POLR1C: variants seen among roughly 807,000 people sequenced by gnomAD.
The protein encoded by POLR1C is DNA-directed RNA polymerases I and III subunit RPAC1.
In POLR1C, 42 loss-of-function variants were observed where a neutral mutation model predicts 38.3. The observed-to-expected ratio is 1.10, with a 90% CI of 0.86 to 1.42. The LOEUF (loss-of-function observed/expected upper bound fraction) is 1.42. POLR1C is among the 40% of genes most tolerant of loss of function. The pLI, the probability that POLR1C is intolerant of heterozygous loss-of-function variation, is 0.00. For missense variants in POLR1C, 507 were observed against 450.5 expected (o/e 1.13, Z -1.14); for synonymous variants, 163 against 163.9 (o/e 0.99, Z 0.04).
chr6:43,530,868 A>T (rs1320548954), downstream of POLR1C: 1 of 1,588,228 alleles, frequency 6.3e-7, no homozygotes, highest in East Asian at 2.3e-5. Context: ...CAAATCCAAC[A>T]TCTGTTACTG....
chr6:43,538,076 T>C (rs537849379), intron 9 of POLR1C, among the ~76,000 whole-genome samples: 2 of 84,976 alleles, frequency 2.4e-5, no homozygotes, highest in African/African-American at 1.2e-4. Flanking sequence ...CAGAACAAGA[T>C]GGTCTCAAAA....
Position 43,521,451 on chromosome 6 carries a change from A to C in POLR1C, c.*151A>C. The C allele has an allele frequency of 6.6e-7, 1 of 1,509,252 alleles. No individual in the cohort carries two copies. The highest frequency in any genetic ancestry group is 1.2e-5 in the South Asian group (1 of 81,398). The allele number at this position is 1,509,252 out of a possible 1,614,324, so 93.5% of individuals were successfully genotyped here. Reference sequence around the variant, plus strand: ...AATACATTTTGTTAAATGTGCCATAAAATGAGACTTTTTACGCCTTTATAA... The same window carrying C: ...AATACATTTTGTTAAATGTGCCATACAATGAGACTTTTTACGCCTTTATAA... On this transcript the variant is annotated 3_prime_UTR_variant, in exon 9 of 9. Coordinates refer to ENST00000642195, the MANE Select transcript of POLR1C (RefSeq NM_203290.4).
chr6:43,548,579 G>A, intron 9 of POLR1C: 1 of 894,652 alleles, frequency 1.1e-6, no homozygotes, highest in South Asian at 2.9e-5. Flanking sequence ...AGGCCTATAA[G>A]GTTATTATTT....
intron 9 of POLR1C, chr6:43,547,615 C>T (rs1561875398): frequency 1.9e-6 from 3 of 1,613,960 alleles, no homozygotes; most frequent in Non-Finnish European, 2.5e-6. Flanking sequence ...TACTCGTGCA[C>T]GGTTTAAGCC....
intron 2 of POLR1C, 58 bp from the exon 3 acceptor site, chr6:43,519,275 T>G: frequency 1.9e-6 from 2 of 1,032,236 alleles, no homozygotes; most frequent in Non-Finnish European, 3.0e-6. Flanking sequence ...GGGGGAGGTA[T>G]GAAGAGATAT....
intron 8 of POLR1C, chr6:43,529,233 CTCCTTA>C: frequency 1.4e-6 from 2 of 1,396,558 alleles, no homozygotes; most frequent in Non-Finnish European, 1.9e-6. Flanking sequence ...CTTCACCATT[CTCCTTA>C]TAATTTCAGG....
At chr6:43,549,777 T>C in intron 9 of POLR1C, 1 of 1,246,802 alleles carries the variant, frequency 8.0e-7, no homozygotes, top group Non-Finnish European at 1.1e-6. Flanking sequence ...ACATATATGA[T>C]AATCTACCAC....
chr6:43,546,125 C>A (rs951745612), intron 9 of POLR1C, among the ~76,000 whole-genome samples: 1 of 152,054 alleles, frequency 6.6e-6, no homozygotes, highest in Non-Finnish European at 1.5e-5. Context: ...GTTCAGCCAG[C>A]GGTTGTTTGG....
downstream of POLR1C, chr6:43,524,423 A>G: frequency 6.3e-7 from 1 of 1,590,316 alleles, no homozygotes; most frequent in Non-Finnish European, 8.6e-7. Flanking sequence ...GCCCATACAC[A>G]TGATTTAAGA....
chr6:43,526,930 T>C (rs1371187081), intron 8 of POLR1C: 1 of 604,418 alleles, frequency 1.7e-6, no homozygotes, highest in Non-Finnish European at 3.0e-6. Context: ...GACCGAACTG[T>C]TTTGGTCCTT....
At chr6:43,552,901 C>G (rs912853518) in intron 10 of POLR1C, among the ~76,000 whole-genome samples, 1 of 152,142 alleles carries the variant, frequency 6.6e-6, no homozygotes, top group African/African-American at 2.4e-5. Flanking sequence ...TTAGAAAGAC[C>G]TGAGTTTTGG....
chr6:43,527,484 G>C, intron 8 of POLR1C: 1 of 705,618 alleles, frequency 1.4e-6, no homozygotes, highest in East Asian at 2.8e-5. Flanking sequence ...ATGTTGGCCA[G>C]GATGGTCTTG....
intron 9 of POLR1C, among the ~76,000 whole-genome samples, chr6:43,542,566 T>C (rs1357270640): frequency 6.6e-6 from 1 of 152,062 alleles, no homozygotes; most frequent in Non-Finnish European, 1.5e-5. Context: ...CCTGCCACCA[T>C]GCCCAGCTAA....
At chr6:43,526,681 T>A in intron 8 of POLR1C, 1 of 1,613,882 alleles carries the variant, frequency 6.2e-7, no homozygotes, top group Non-Finnish European at 8.5e-7. Flanking sequence ...ACAGGCTCAC[T>A]TACCGTCTCC....
rs1233276571 is a variant in POLR1C at position 43,559,419 on chromosome 6, G to A, written c.*49-1981G>A. 2.0e-5 allele frequency among the ~76,000 whole-genome samples: 3 copies of A among 152,202 alleles called. No homozygotes were observed. In the East Asian group the frequency reaches 5.8e-4, roughly 29 times the overall value. ...AATTGAGATTAACAATCTGTCAACT[G>A]CAAGAGCTCTTAGCAGGGAATTCAT... On this transcript the variant is annotated intron_variant, in intron 10 of 10. Transcript: ENST00000607635.
intron 10 of POLR1C, among the ~76,000 whole-genome samples, chr6:43,558,215 G>A (rs1474972258): frequency 6.6e-6 from 1 of 152,174 alleles, no homozygotes; most frequent in East Asian, 1.9e-4. Flanking sequence ...AGGTAAGATG[G>A]TATTTAATCC....
downstream of POLR1C, chr6:43,533,928 C>T (rs776110268): frequency 1.2e-5 from 20 of 1,604,432 alleles, no homozygotes; most frequent in East Asian, 1.1e-4. Flanking sequence ...GATTTTTCCG[C>T]GTCAAGCATA....
At chr6:43,525,580 C>T, downstream of POLR1C, 1 of 530,692 alleles carries the variant, frequency 1.9e-6, no homozygotes, top group South Asian at 2.7e-5. Context: ...TCAGGCCTGG[C>T]TTGGGGAGGC....
chr6:43,526,704 A>G, intron 8 of POLR1C: 1 of 1,613,902 alleles, frequency 6.2e-7, no homozygotes, highest in Non-Finnish European at 8.5e-7. Flanking sequence ...CTGCTGGGGG[A>G]GCACTACTGT....
Sources: gnomAD v4.1 joint callset for allele counts (sites outside exome capture counted in the v4.1 genomes callset) on GRCh38, gnomAD v4.1.1 for gene constraint, MANE v1.5 for transcripts, NCBI Gene and HGNC (gene_info 2026-07-23, HGNC 2026-07-21) for gene names.